The following EPHA7 variants were observed in gnomAD, a reference collection of about 807,000 sequenced individuals.
EPHA7 encodes ephrin type-A receptor 7.
EPHA7 carries 25 observed loss-of-function variants against 112.6 expected under a neutral mutation model. The ratio of observed to expected loss-of-function variants is 0.22; its 90% CI spans 0.16 to 0.31. The LOEUF (loss-of-function observed/expected upper bound fraction) is 0.31, where lower values mean the gene tolerates loss of function less well. EPHA7 is among the 10% of genes least tolerant of loss of function. EPHA7 has a pLI of 1.00. For synonymous variants in EPHA7, 437 were observed against 406.5 expected (o/e 1.07, Z -0.90); for missense variants, 962 against 1,212.6 (o/e 0.79, Z 3.07).
intron 5 of EPHA7, among the ~76,000 whole-genome samples, chr6:93,301,964 C>T (rs2127850613): frequency 6.7e-6 from 1 of 149,890 alleles, no homozygotes; most frequent in Non-Finnish European, 1.5e-5. Context: ...CCTATCCTTT[C>T]TTGTTCTAAC....
intron 3 of EPHA7, among the ~76,000 whole-genome samples, chr6:93,396,277 AG>A (rs1778167503): frequency 6.6e-6 from 1 of 151,946 alleles, no homozygotes; most frequent in South Asian, 2.1e-4. Flanking sequence ...TTCAGTAGGT[AG>A]AAAAAATGTA....
intron 5 of EPHA7, among the ~76,000 whole-genome samples, chr6:93,286,760 A>AT (rs1254258697): frequency 6.6e-6 from 1 of 152,164 alleles, no homozygotes; most frequent in South Asian, 2.1e-4. Flanking sequence ...TGAGAAAAAT[A>AT]TTTTTTGCTT....
chr6:93,321,418 C>G (rs374761756), intron 5 of EPHA7, among the ~76,000 whole-genome samples: 14 of 152,022 alleles, frequency 9.2e-5, no homozygotes, highest in African/African-American at 2.9e-4. Flanking sequence ...ATATGTATCT[C>G]TGTCTCAGAG....
intron 3 of EPHA7, among the ~76,000 whole-genome samples, chr6:93,390,569 CAA>C (rs200332323): frequency 1.1e-3 from 90 of 85,706 alleles, no homozygotes; most frequent in African/African-American, 2.7e-3. Context: ...TCAGCCAGGA[CAA>C]AAAAAAAAAA....
At chr6:93,344,160 G>A (rs1439601834) in intron 5 of EPHA7, among the ~76,000 whole-genome samples, 1 of 151,514 alleles carries the variant, frequency 6.6e-6, no homozygotes, top group Non-Finnish European at 1.5e-5. Context: ...CACAGTCTCT[G>A]TATTAGATGT....
chr6:93,364,355 C>T (rs1776400796), intron 3 of EPHA7, among the ~76,000 whole-genome samples: 1 of 151,944 alleles, frequency 6.6e-6, no homozygotes, highest in South Asian at 2.1e-4. Flanking sequence ...GAAATCCTGT[C>T]TCTACTAAAA....
chr6:93,275,262 T>C (rs1771415707), intron 5 of EPHA7, among the ~76,000 whole-genome samples: 1 of 151,818 alleles, frequency 6.6e-6, no homozygotes, highest in Non-Finnish European at 1.5e-5. Flanking sequence ...CATGTTGTAA[T>C]TGGAATTATG....
intron 12 of EPHA7, 62 bp from the exon 13 acceptor site, chr6:93,256,099 C>T: frequency 6.8e-7 from 1 of 1,460,556 alleles, no homozygotes; most frequent in Non-Finnish European, 9.5e-7. Flanking sequence ...CAAAAATCAC[C>T]ATGAAAAATA....
rs1469154696 is a variant in EPHA7, at chr6:93,240,630, A to G, written c.*2796T>C. 1 of 215,634 alleles carries G rather than the reference A, an allele frequency of 4.6e-6. No individual in the cohort carries two copies. Among genetic ancestry groups the G allele is most frequent in the Non-Finnish European group, 9.3e-6 (1 of 107,008 alleles). 13.4% of individuals were successfully genotyped at this position (215,634 alleles called of 1,614,324 possible). A position where few individuals can be genotyped will look rare whatever the true frequency, so the allele number is the denominator to read the frequency against. On this transcript the variant is annotated 3_prime_UTR_variant, in exon 17 of 17. Transcript: ENST00000369303. ...AGGTCAAGTGTGAGGACAGTGTTCT[A>G]AAAAAGGTGGCTCTATTAAAGCAAG...
intron 2 of EPHA7, among the ~76,000 whole-genome samples, chr6:93,414,009 ATACTG>A (rs1231059077): frequency 1.3e-5 from 2 of 151,904 alleles, no homozygotes; most frequent in Admixed American, 1.3e-4. Flanking sequence ...GAAGACACGG[ATACTG>A]AGCTACATTT....
At chr6:93,350,808 G>A (rs1242795582) in intron 5 of EPHA7, among the ~76,000 whole-genome samples, 1 of 151,832 alleles carries the variant, frequency 6.6e-6, no homozygotes, top group Non-Finnish European at 1.5e-5. Context: ...ATACACAAAA[G>A]TTTAAGTTAA....
chr6:93,272,528 A>C, intron 5 of EPHA7, 106 bp from the exon 6 acceptor site: 1 of 1,372,420 alleles, frequency 7.3e-7, no homozygotes, highest in Non-Finnish European at 1.0e-6. Flanking sequence ...CATTAAGGTA[A>C]AAGAAAGCAC....
chr6:93,337,636 G>C (rs1244073915), intron 5 of EPHA7, among the ~76,000 whole-genome samples: 2 of 152,066 alleles, frequency 1.3e-5, no homozygotes, highest in African/African-American at 2.4e-5. Flanking sequence ...GGCAGGAAAA[G>C]AAAATATTTC....
At chr6:93,279,336 T>C (rs12524704) in intron 5 of EPHA7, among the ~76,000 whole-genome samples, 10,196 of 152,200 alleles carry the variant, frequency 0.067, 456 homozygotes, top group Non-Finnish European at 0.1. Flanking sequence ...TCTGTTGTAT[T>C]CCATTATACA....
intron 3 of EPHA7, among the ~76,000 whole-genome samples, chr6:93,386,337 T>C (rs1472066065): frequency 1.3e-5 from 2 of 152,164 alleles, no homozygotes; most frequent in Non-Finnish European, 2.9e-5. Flanking sequence ...TGGAAGAAAC[T>C]GGCCAAAATG....
chr6:93,312,891 AG>A (rs1346532920), intron 5 of EPHA7, among the ~76,000 whole-genome samples: 1 of 152,092 alleles, frequency 6.6e-6, no homozygotes, highest in Non-Finnish European at 1.5e-5. Context: ...GCCCAAGGAG[AG>A]GGAGTGAGAT....
chr6:93,264,629 C>T lies in EPHA7; in HGVS notation c.1707G>A (p.Leu569=), dbSNP rs775311098. 6.2e-7 allele frequency: 1 copy of T among 1,607,312 alleles called. No individual in the cohort carries two copies. Among genetic ancestry groups the T allele is most frequent in the Admixed American group, 1.7e-5 (1 of 59,538 alleles). The change falls in exon 8 of 17, where the codon TTG becomes TTA. Residue 569 remains leucine (L), a synonymous_variant. Coordinates refer to ENST00000369303, the MANE Select transcript of EPHA7 (RefSeq NM_004440.4). ...TGATGAAGCCAAAGACCATGAACAC[C>T]AAAATGATGGTCCCAGCTACAGCAA... ...AVVAVAGTII[L]VFMVFGFIIG...
At chr6:93,378,375 G>C (rs1317656968) in intron 3 of EPHA7, among the ~76,000 whole-genome samples, 1 of 152,076 alleles carries the variant, frequency 6.6e-6, no homozygotes, top group Non-Finnish European at 1.5e-5. Context: ...TAGCCATGAT[G>C]GATTAGCAAG....
At chr6:93,250,093 A>G (rs972507481) in intron 14 of EPHA7, among the ~76,000 whole-genome samples, 12 of 152,156 alleles carry the variant, frequency 7.9e-5, no homozygotes, top group African/African-American at 2.9e-4. Flanking sequence ...ACAACAAGAT[A>G]TAACATTTAA....
Sources: allele counts gnomAD v4.1 joint callset (sites outside exome capture counted in the v4.1 genomes callset), GRCh38; gene constraint gnomAD v4.1.1; transcripts MANE v1.5; gene names NCBI Gene and HGNC (gene_info 2026-07-23, HGNC 2026-07-21).